MACROD2: variants seen among roughly 807,000 people sequenced by gnomAD.
The protein encoded by MACROD2 is mono-ADP ribosylhydrolase 2.
Under a neutral mutation model 70.4 loss-of-function variants are expected in MACROD2, and 36 were observed. The ratio of observed to expected loss-of-function variants is 0.51; its 90% CI spans 0.39 to 0.68. The LOEUF is 0.68. Among genes scored for constraint, MACROD2 ranks in the 30% least tolerant of loss-of-function variants. The pLI, the probability that MACROD2 is intolerant of heterozygous loss-of-function variation, is 0.00. For missense variants in MACROD2, 496 were observed against 538.4 expected (o/e 0.92, Z 0.78); for synonymous variants, 172 against 178.8 (o/e 0.96, Z 0.30).
At chr20:15,733,736 A>G (rs2050979163) in intron 8 of MACROD2, among the ~76,000 whole-genome samples, 1 of 152,192 alleles carries the variant, frequency 6.6e-6, no homozygotes, top group Admixed American at 6.5e-5. Context: ...ATACATACAA[A>G]CACACTAATA....
intron 6 of MACROD2, among the ~76,000 whole-genome samples, chr20:15,393,073 A>T (rs926688707): frequency 6.6e-6 from 1 of 151,386 alleles, no homozygotes; most frequent in African/African-American, 2.4e-5. Context: ...TGGACTCAAG[A>T]CCCCAGTCTA....
At chr20:15,181,539 T>A (rs2076500658) in intron 5 of MACROD2, among the ~76,000 whole-genome samples, 1 of 152,224 alleles carries the variant, frequency 6.6e-6, no homozygotes, top group Non-Finnish European at 1.5e-5. Context: ...GCAATGAATT[T>A]TAGAAAGTGT....
At position 15,499,762 on chromosome 20, in the gene MACROD2, C is replaced by T; in HGVS notation, c.572-12C>T. On this transcript the variant is annotated splice_polypyrimidine_tract_variant and intron_variant, in intron 7 of 17. Transcript: ENST00000684519. ...TTCGTTGTTCATTTGTTTTTTCCTG[C>T]TCTTCATCTAGGCTTTCCCAACGAG... 3 of 1,613,368 alleles carry T rather than the reference C, an allele frequency of 1.9e-6. No individual in the cohort carries two copies. The highest frequency in any genetic ancestry group is 2.5e-6 in the Non-Finnish European group (3 of 1,179,420).
At chr20:15,861,511 C>T (rs2064423678) in intron 8 of MACROD2, among the ~76,000 whole-genome samples, 1 of 151,932 alleles carries the variant, frequency 6.6e-6, no homozygotes, top group South Asian at 2.1e-4. Flanking sequence ...TTTCCCGTTT[C>T]CCTTATAATC....
chr20:15,317,800 C>G (rs547849592), intron 6 of MACROD2, among the ~76,000 whole-genome samples: 7 of 151,916 alleles, frequency 4.6e-5, no homozygotes, highest in African/African-American at 1.7e-4. Context: ...TTTCAGTTAA[C>G]TGGTTGAAGC....
intron 3 of MACROD2, among the ~76,000 whole-genome samples, chr20:14,414,932 T>C (rs7262153): frequency 6.6e-6 from 1 of 151,456 alleles, no homozygotes; most frequent in African/African-American, 2.4e-5. Flanking sequence ...GCTTTATGTT[T>C]TTTTTTTTTT....
At chr20:14,622,114 C>A (rs569423781) in intron 4 of MACROD2, among the ~76,000 whole-genome samples, 261 of 152,148 alleles carry the variant, frequency 1.7e-3, no homozygotes, top group African/African-American at 5.9e-3. Flanking sequence ...ACATTTTAAT[C>A]ATTTTTAATG....
At chr20:15,807,787 T>A (rs1429213448) in intron 8 of MACROD2, among the ~76,000 whole-genome samples, 2 of 152,158 alleles carry the variant, frequency 1.3e-5, no homozygotes, top group East Asian at 3.8e-4. Context: ...TATCAGAAAG[T>A]TCTGGAAATA....
At chr20:15,061,063 GA>G (rs1363713398) in intron 5 of MACROD2, among the ~76,000 whole-genome samples, 3 of 152,294 alleles carry the variant, frequency 2.0e-5, no homozygotes, top group Non-Finnish European at 2.9e-5. Flanking sequence ...AATTGCTGAT[GA>G]GGGGGGACAG....
At chr20:14,955,752 G>C (rs2074530852) in intron 5 of MACROD2, among the ~76,000 whole-genome samples, 3 of 151,924 alleles carry the variant, frequency 2.0e-5, no homozygotes, top group Admixed American at 2.0e-4. Flanking sequence ...TTTTAAATTT[G>C]TTTCAATGCC....
chr20:15,315,982 C>T (rs905579436), intron 6 of MACROD2, among the ~76,000 whole-genome samples: 3 of 151,374 alleles, frequency 2.0e-5, no homozygotes, highest in Non-Finnish European at 4.4e-5. Flanking sequence ...AAATTGATAT[C>T]AATTCAAAAT....
intron 5 of MACROD2, among the ~76,000 whole-genome samples, chr20:14,692,147 T>C (rs779043831): frequency 2.6e-5 from 4 of 152,152 alleles, no homozygotes; most frequent in Non-Finnish European, 4.4e-5. Context: ...ATTTGTTTGA[T>C]ACAAATTCTC....
intron 2 of MACROD2, among the ~76,000 whole-genome samples, chr20:14,049,134 C>T (rs1026624216): frequency 6.8e-6 from 1 of 147,774 alleles, no homozygotes; most frequent in African/African-American, 2.5e-5. Flanking sequence ...CTCACCCAAA[C>T]TTCCTCAAAC....
intron 5 of MACROD2, among the ~76,000 whole-genome samples, chr20:14,784,887 G>A (rs970609710): frequency 3.9e-5 from 6 of 152,056 alleles, no homozygotes; most frequent in African/African-American, 4.8e-5. Context: ...GGGAAATTGC[G>A]AGAGCTGGTA....
At chr20:14,699,242 A>G (rs1481368701) in intron 5 of MACROD2, among the ~76,000 whole-genome samples, 2 of 152,212 alleles carry the variant, frequency 1.3e-5, no homozygotes, top group African/African-American at 2.4e-5. Context: ...TCATTAAAAT[A>G]AAGTGATAAT....
chr20:14,298,445 G>A (rs111483767), intron 3 of MACROD2, among the ~76,000 whole-genome samples: 2,390 of 151,532 alleles, frequency 0.016, 108 homozygotes, highest in African/African-American at 0.056. Context: ...GTGGGTGTCT[G>A]TAATCCTAGC....
intron 8 of MACROD2, among the ~76,000 whole-genome samples, chr20:15,814,104 A>G (rs2063848104): frequency 2.0e-5 from 3 of 152,160 alleles, no homozygotes; most frequent in African/African-American, 4.8e-5. Flanking sequence ...AGAAGAGAGG[A>G]AGGACAGAAA....
At chr20:14,010,580 C>T (rs1034020754) in intron 2 of MACROD2, among the ~76,000 whole-genome samples, 1 of 152,028 alleles carries the variant, frequency 6.6e-6, no homozygotes, top group African/African-American at 2.4e-5. Context: ...TGTCATAAAT[C>T]AAAAACAGTC....
intron 8 of MACROD2, among the ~76,000 whole-genome samples, chr20:15,600,626 A>G (rs1248885666): frequency 6.6e-6 from 1 of 152,232 alleles, no homozygotes. Context: ...TGTCTTACAG[A>G]AAAACCTTTA....
Sources: allele counts gnomAD v4.1 joint callset (sites outside exome capture counted in the v4.1 genomes callset), GRCh38; gene constraint gnomAD v4.1.1; transcripts MANE v1.5; gene names NCBI Gene and HGNC (gene_info 2026-07-23, HGNC 2026-07-21).